C2CD2: variants seen among roughly 807,000 people sequenced by gnomAD.
C2CD2 encodes C2 domain-containing protein 2.
Under a neutral mutation model 74.3 loss-of-function variants are expected in C2CD2, and 43 were observed. The observed-to-expected ratio is 0.58, with a 90% CI of 0.45 to 0.75. The LOEUF (loss-of-function observed/expected upper bound fraction) is 0.75, where lower values mean the gene tolerates loss of function less well. C2CD2 is among the 30% of genes least tolerant of loss of function. C2CD2 has a pLI of 0.00. For synonymous variants in C2CD2, 422 were observed against 390.7 expected, an observed-to-expected ratio of 1.08 and a Z score of -0.94; for missense variants, 801 against 916.3, an observed-to-expected ratio of 0.87 and a Z score of 1.63.
intron 11 of C2CD2, among the ~76,000 whole-genome samples, 162 bp downstream of exon 11, chr21:41,905,562 C>T (rs1405323983): frequency 2.0e-5 from 3 of 152,182 alleles, no homozygotes; most frequent in African/African-American, 7.2e-5. Flanking sequence ...AAGTGATCCA[C>T]CCGCCTCAGC....
At chr21:41,927,798 A>C (rs768485581) in intron 2 of C2CD2, among the ~76,000 whole-genome samples, 5 of 152,156 alleles carry the variant, frequency 3.3e-5, no homozygotes, top group Non-Finnish European at 5.9e-5. Context: ...AAATTCTCGC[A>C]GGGGATTGAG....
In C2CD2 at chr21:41,945,562, C is replaced by A. The variant is rs1274212960; in HGVS notation, c.280-3317G>T. Among the ~76,000 whole-genome samples, 2 of 152,046 alleles carry A rather than the reference C, an allele frequency of 1.3e-5. No individual in the cohort carries two copies. Among genetic ancestry groups the A allele is most frequent in the Non-Finnish European group, 2.9e-5 (2 of 68,020 alleles). ...AAGAGGCTACTCTCAAAGGAGCACC[C>A]TGATGGCCCAAAGGAGAACAACCTA... is the stretch of plus-strand genomic sequence containing the variant. On this transcript the variant is annotated intron_variant, in intron 1 of 13. Coordinates refer to ENST00000380486, the MANE Select transcript of C2CD2 (RefSeq NM_015500.2). This position sits in a 1 kb window ranked among gnomAD's most constrained non-coding sequence, Gnocchi z 4.2.
chr21:41,913,578 C>A (rs758148004), intron 6 of C2CD2, among the ~76,000 whole-genome samples: 2 of 152,170 alleles, frequency 1.3e-5, no homozygotes, highest in Non-Finnish European at 2.9e-5. Context: ...GCTGAAAGGG[C>A]AACATGTGGG....
rs1241992289 is a variant in C2CD2 at position 41,924,696 on chromosome 21, AAAAAT to A, written c.379-2616_379-2612del. On this transcript the variant is annotated intron_variant, in intron 2 of 13. Coordinates refer to ENST00000380486, the MANE Select transcript of C2CD2 (RefSeq NM_015500.2). The surrounding 1 kb of genome is among the most constrained non-coding windows in gnomAD (Gnocchi z 4.4). Reference sequence around the variant, plus strand: ...CCCACTCCTTTTACTGCTTAAAGTAAAAAATAAAAAATAAAAATAAATTTAAAAAC... The same window carrying A: ...CCCACTCCTTTTACTGCTTAAAGTAAAAAAAATAAAAATAAATTTAAAAAC... Among the ~76,000 whole-genome samples, 5 of 139,416 alleles carry A rather than the reference AAAAAT, an allele frequency of 3.6e-5. No homozygotes were observed. The highest frequency in any genetic ancestry group is 1.6e-4 in the African/African-American group (5 of 31,564). The allele number at this position is 139,416 out of a possible 152,430, so 91.5% of individuals were successfully genotyped here.
intron 3 of C2CD2, among the ~76,000 whole-genome samples, chr21:41,920,092 T>G (rs531771095): frequency 1.3e-5 from 2 of 152,196 alleles, no homozygotes; most frequent in South Asian, 2.1e-4. Context: ...CACAAGAAAA[T>G]GGAACTCAGT....
chr21:41,894,650 T>C, intron 13 of C2CD2: 1 of 456,442 alleles, frequency 2.2e-6, no homozygotes. Flanking sequence ...ATTCCCAGAA[T>C]GAGTTGCGTC....
chr21:41,946,894 T>A (rs2065401992), intron 1 of C2CD2, among the ~76,000 whole-genome samples: 1 of 152,040 alleles, frequency 6.6e-6, no homozygotes, highest in Admixed American at 6.6e-5. Flanking sequence ...AGTCTTTAGT[T>A]ATCAAGGTCA....
chr21:41,895,139 A>T lies in C2CD2; in HGVS notation c.1870+3914T>A. The T allele has an allele frequency of 2.8e-6, 1 of 355,222 alleles. No individual in the cohort carries two copies. Among genetic ancestry groups the T allele is most frequent in the South Asian group, 2.1e-5 (1 of 48,196 alleles). 22.0% of individuals were successfully genotyped at this position (355,222 alleles called of 1,614,324 possible). On this transcript the variant is annotated intron_variant, in intron 13 of 13. Transcript: ENST00000380486. This position sits in a 1 kb window ranked among gnomAD's most constrained non-coding sequence, Gnocchi z 5.0. ...CTCATCCAATCAGCTGAAGGCCCTA[A>T]GAGCAAACACTGGTTTTCCAGGGAG...
intron 2 of C2CD2, among the ~76,000 whole-genome samples, chr21:41,930,983 C>T (rs1258959762): frequency 1.3e-5 from 2 of 150,232 alleles, no homozygotes; most frequent in East Asian, 3.9e-4. Flanking sequence ...ATAGGAATTT[C>T]CTCCTTCTAG....
At chr21:41,890,306 C>T (rs1424483982) in intron 13 of C2CD2, among the ~76,000 whole-genome samples, 4 of 152,262 alleles carry the variant, frequency 2.6e-5, no homozygotes, top group Middle Eastern at 3.4e-3. Context: ...CAGATAGATA[C>T]AGATCTCTAT....
rs541447682 is a variant in C2CD2 at position 41,921,965 on chromosome 21, T to A, written c.492+7A>T. ...TCTCATAACTTGCAAAGTCTACACA[T>A]CTTTACCTGTAAATGGAAAGGGGAG... On this transcript the variant is annotated splice_region_variant and intron_variant, in intron 3 of 13. Transcript: ENST00000380486. 1 of 1,588,340 alleles carries A rather than the reference T, an allele frequency of 6.3e-7. No individual in the cohort carries two copies. The highest frequency in any genetic ancestry group is 1.3e-5 in the African/African-American group (1 of 74,356).
chr21:41,944,528 A>AG (rs1313886854), intron 1 of C2CD2, among the ~76,000 whole-genome samples: 1 of 148,352 alleles, frequency 6.7e-6, no homozygotes, highest in Non-Finnish European at 1.5e-5. Flanking sequence ...CCTCAAAAAA[A>AG]AAAAAAAAAA....
intron 1 of C2CD2, among the ~76,000 whole-genome samples, chr21:41,947,109 CTT>C (rs528530439): frequency 2.2e-4 from 3 of 13,640 alleles, no homozygotes; most frequent in Non-Finnish European, 5.6e-4. Flanking sequence ...TTTCCTTTCT[CTT>C]TTCTCTCTCT....
intron 13 of C2CD2, among the ~76,000 whole-genome samples, chr21:41,896,300 T>C (rs1601546773): frequency 6.6e-6 from 1 of 152,342 alleles, no homozygotes; most frequent in Non-Finnish European, 1.5e-5. Flanking sequence ...GAAAGAATTA[T>C]GCAAGAGCAA....
intron 4 of C2CD2, among the ~76,000 whole-genome samples, 192 bp downstream of exon 4, chr21:41,918,664 C>T (rs937793391): frequency 6.6e-6 from 1 of 152,114 alleles, no homozygotes; most frequent in Non-Finnish European, 1.5e-5. Flanking sequence ...TCAAAGCCAT[C>T]CCCCAGCAGG....
intron 1 of C2CD2, chr21:41,942,909 C>T (rs2065367205): frequency 1.0e-6 from 1 of 967,630 alleles, no homozygotes; most frequent in Non-Finnish European, 1.2e-6. Flanking sequence ...AGCCACCTGG[C>T]CCCAAGGTTC....
chr21:41,918,708 A>G (rs1053762303), intron 4 of C2CD2, 148 bp downstream of exon 4: 3 of 647,738 alleles, frequency 4.6e-6, no homozygotes, highest in Non-Finnish European at 8.1e-6. Flanking sequence ...CCACATCCTG[A>G]GAGGCCCAAG....
Position 41,899,728 on chromosome 21 carries a change from G to A in C2CD2, c.1561-366C>T, listed in dbSNP as rs1411607187. On this transcript the variant is annotated intron_variant, in intron 12 of 13. Coordinates refer to ENST00000380486, the MANE Select transcript of C2CD2 (RefSeq NM_015500.2). The surrounding 1 kb of genome is among the most constrained non-coding windows in gnomAD (Gnocchi z 4.4). Reference sequence around the variant, plus strand: ...GAGTCCACGACAGCACAAAGGAAATGGCCGTGGGTGTTTCGGGTTTAGCTG... The same window carrying A: ...GAGTCCACGACAGCACAAAGGAAATAGCCGTGGGTGTTTCGGGTTTAGCTG... Among the ~76,000 whole-genome samples the A allele has an allele frequency of 6.6e-6, 1 of 152,166 alleles. No homozygotes were observed. Among genetic ancestry groups the A allele is most frequent in the Non-Finnish European group, 1.5e-5 (1 of 68,028 alleles).
chr21:41,927,324 C>T (rs2065222111), intron 2 of C2CD2, among the ~76,000 whole-genome samples: 1 of 152,150 alleles, frequency 6.6e-6, no homozygotes, highest in African/African-American at 2.4e-5. Context: ...CAGCACCATG[C>T]CCAGCTAATT....
Sources: gnomAD v4.1 joint callset for allele counts (sites outside exome capture counted in the v4.1 genomes callset) on GRCh38, gnomAD v4.1.1 for gene constraint, Gnocchi (gnomAD v3.1) non-coding constraint, MANE v1.5 for transcripts, NCBI Gene and HGNC (gene_info 2026-07-23, HGNC 2026-07-21) for gene names.